NAE1: variants seen among roughly 807,000 people sequenced by gnomAD.
NAE1 encodes the protein NEDD8-activating enzyme E1 regulatory subunit.
In NAE1, 59 loss-of-function variants were observed where a neutral mutation model predicts 88.0. The observed-to-expected ratio is 0.67, with a 90% CI of 0.54 to 0.83. The LOEUF is 0.83. Ranked by LOEUF, NAE1 falls within the 40% of genes least tolerant of loss-of-function variation. The probability of loss-of-function intolerance (pLI) is 0.00; values close to 1 mark genes in which losing one functional copy is unlikely to be tolerated. For missense variants in NAE1, 554 were observed against 632.8 expected (o/e 0.88, Z 1.34); for synonymous variants, 186 against 208.9 (o/e 0.89, Z 0.95).
chr16:66,830,153 C>CT (rs1341209270), intron 1 of NAE1, among the ~76,000 whole-genome samples: 5 of 152,258 alleles, frequency 3.3e-5, no homozygotes, highest in African/African-American at 9.6e-5. Flanking sequence ...TCCCAAAGTG[C>CT]TGGGATTACA....
chr16:66,826,875 C>A, intron 1 of NAE1, 95 bp from the exon 2 acceptor site: 1 of 1,118,394 alleles, frequency 8.9e-7, no homozygotes, highest in Admixed American at 2.3e-5. Context: ...CTTGCATAGA[C>A]TGATATGATA....
chr16:66,820,613 G>C (rs1479004919), intron 7 of NAE1, among the ~76,000 whole-genome samples: 1 of 151,420 alleles, frequency 6.6e-6, no homozygotes. Flanking sequence ...CAAAAAATTA[G>C]CTGGGCGGCC....
chr16:66,828,925 T>C (rs1165921027), intron 1 of NAE1, among the ~76,000 whole-genome samples: 1 of 149,908 alleles, frequency 6.7e-6, no homozygotes, highest in Admixed American at 6.7e-5. Flanking sequence ...CAGTGAGCAG[T>C]GTTCTTGCCA....
chr16:66,815,957 C>A (rs527838873), intron 11 of NAE1, among the ~76,000 whole-genome samples: 1 of 152,248 alleles, frequency 6.6e-6, no homozygotes, highest in East Asian at 1.9e-4. Flanking sequence ...AGCCACCGCG[C>A]CTGGCCCCAG....
intron 11 of NAE1, among the ~76,000 whole-genome samples, chr16:66,816,365 A>G (rs1158772804): frequency 6.6e-6 from 1 of 152,032 alleles, no homozygotes; most frequent in Non-Finnish European, 1.5e-5. Context: ...CGGTTTCACT[A>G]TGTTGGCCAG....
chr16:66,805,410 A>G (rs1191707882), intron 19 of NAE1, among the ~76,000 whole-genome samples: 4 of 152,132 alleles, frequency 2.6e-5, no homozygotes, highest in Admixed American at 2.6e-4. Flanking sequence ...GAAGGCAGGG[A>G]GACCAGTATA....
At position 66,813,819 on chromosome 16, in the gene NAE1, T is replaced by C. The variant is rs749648314; in HGVS notation, c.868A>G (p.Asn290Asp). 1 of 1,613,816 alleles carries C rather than the reference T, an allele frequency of 6.2e-7. No homozygotes were observed. The highest frequency in any genetic ancestry group is 1.7e-5 in the Admixed American group (1 of 60,022). The change falls in exon 12 of 20, where the codon AAT becomes GAT. Residue 290 changes from asparagine to aspartate, a missense_variant. Transcript: ENST00000290810. ...GTGATATTTATGCAGCGATCATCAT[T>C]AAATATATCTTCAATACTGCTTGGG... ...QIPSSIEDIF[N>D]DDRCINITKQ...
intron 4 of NAE1, 76 bp from the exon 5 acceptor site, chr16:66,823,676 G>T: frequency 8.9e-7 from 1 of 1,128,682 alleles, no homozygotes; most frequent in Non-Finnish European, 1.3e-6. Flanking sequence ...TATGGAACAG[G>T]CAAACATACT....
intron 11 of NAE1, among the ~76,000 whole-genome samples, chr16:66,814,862 TC>T (rs1330277278): frequency 2.6e-5 from 4 of 152,112 alleles, no homozygotes; most frequent in African/African-American, 9.7e-5. Flanking sequence ...CTCAAATCCT[TC>T]CTACCACTTT....
intron 1 of NAE1, chr16:66,828,120 A>G (rs768301308): frequency 6.9e-7 from 1 of 1,451,570 alleles, no homozygotes; most frequent in Non-Finnish European, 9.6e-7. Context: ...TTTCTCCATC[A>G]AAGTATGGCA....
At chr16:66,825,047 T>C (rs1437935751) in intron 3 of NAE1, among the ~76,000 whole-genome samples, 162 bp from the exon 4 acceptor site, 1 of 152,200 alleles carries the variant, frequency 6.6e-6, no homozygotes, top group African/African-American at 2.4e-5. Flanking sequence ...ATGGAACTTA[T>C]AAAGAAAGAT....
Position 66,826,800 on chromosome 16 carries a change from T to G in NAE1, c.54-20A>C, listed in dbSNP as rs1460325168. The G allele has an allele frequency of 1.9e-6, 3 of 1,576,912 alleles. No individual in the cohort carries two copies. In the Middle Eastern group the frequency reaches 5.3e-4, roughly 276 times the overall value. On this transcript the variant is annotated intron_variant, in intron 1 of 19. Coordinates refer to ENST00000290810, the MANE Select transcript of NAE1 (RefSeq NM_003905.4). Reference sequence around the variant, plus strand: ...CACAACCTACAAAACAGACACAAATTTGATGTTTTTAAAACTTTCATGAAA... The same window carrying G: ...CACAACCTACAAAACAGACACAAATGTGATGTTTTTAAAACTTTCATGAAA...
At chr16:66,823,439 C>A (rs1368275280) in intron 5 of NAE1, 90 bp downstream of exon 5, 2 of 1,359,732 alleles carry the variant, frequency 1.5e-6, no homozygotes, top group Non-Finnish European at 2.0e-6. Context: ...ATAAATGACA[C>A]AAAGATTCAA....
chr16:66,820,912 A>AG (rs1331597554), intron 7 of NAE1, among the ~76,000 whole-genome samples: 1 of 151,602 alleles, frequency 6.6e-6, no homozygotes, highest in African/African-American at 2.4e-5. Flanking sequence ...AAAAAAAAAA[A>AG]AAAAAAATTA....
intron 1 of NAE1, 112 bp from the exon 2 acceptor site, chr16:66,826,892 G>A: frequency 4.3e-6 from 4 of 932,962 alleles, no homozygotes; most frequent in Non-Finnish European, 6.5e-6. Context: ...GATAACCACA[G>A]AATACAGGTA....
At chr16:66,821,955 G>A (rs573172991) in intron 6 of NAE1, among the ~76,000 whole-genome samples, 6 of 151,956 alleles carry the variant, frequency 3.9e-5, no homozygotes, top group African/African-American at 9.7e-5. Context: ...CTGCAGCCTC[G>A]ACCTCCCAGG....
chr16:66,827,235 G>A (rs1960494701), intron 1 of NAE1, among the ~76,000 whole-genome samples: 1 of 151,874 alleles, frequency 6.6e-6, no homozygotes, highest in Non-Finnish European at 1.5e-5. Context: ...GATTACAGGT[G>A]TGAGCCACCG....
chr16:66,821,567 A>G lies in NAE1; in HGVS notation c.402-8T>C. ...GCTAAGCGTAGTGAAGTGCTGTTTA[A>G]AAAAAAAAAGCAAAATATGAACATA... On this transcript the variant is annotated splice_polypyrimidine_tract_variant and splice_region_variant and intron_variant, in intron 6 of 19. Transcript: ENST00000290810. 6.5e-7 allele frequency: 1 copy of G among 1,527,350 alleles called. No individual in the cohort carries two copies. The allele number at this position is 1,527,350 out of a possible 1,614,324, so 94.6% of individuals were successfully genotyped here. A position where few individuals can be genotyped will look rare whatever the true frequency, so the allele number is the denominator to read the frequency against.
At chr16:66,818,676 TAAAA>T in intron 7 of NAE1, 39 bp from the exon 8 acceptor site, 1 of 1,209,430 alleles carries the variant, frequency 8.3e-7, no homozygotes, top group African/African-American at 1.6e-5. Context: ...ATTTAACACT[TAAAA>T]AAAAAAAAGA....
Sources: allele counts gnomAD v4.1 joint callset (sites outside exome capture counted in the v4.1 genomes callset), GRCh38; gene constraint gnomAD v4.1.1; transcripts MANE v1.5; gene names NCBI Gene and HGNC (gene_info 2026-07-23, HGNC 2026-07-21).